Variants in CXCL13 observed in about 807,000 individuals in gnomAD.
CXCL13 encodes C-X-C motif chemokine 13.
CXCL13 carries 7 observed loss-of-function variants against 12.2 expected under a neutral mutation model. The ratio of observed to expected loss-of-function variants is 0.57; its 90% CI spans 0.33 to 1.07. CXCL13 has a LOEUF of 1.07. Among genes scored for constraint, CXCL13 ranks in the 50% least tolerant of loss-of-function variants. The pLI is 0.04. For synonymous variants in CXCL13, 47 were observed against 42.4 expected (o/e 1.11, Z -0.42); for missense variants, 113 against 127.4 (o/e 0.89, Z 0.55).
chr4:77,608,452 A>T (rs1181798231), intron 2 of CXCL13, among the ~76,000 whole-genome samples: 1 of 151,632 alleles, frequency 6.6e-6, no homozygotes, highest in East Asian at 2.0e-4. Context: ...AAAAAAAAAA[A>T]AAGAAAGAAA....
intron 1 of CXCL13, among the ~76,000 whole-genome samples, chr4:77,538,276 GCT>G (rs1560518988): frequency 6.6e-6 from 1 of 151,984 alleles, no homozygotes; most frequent in African/African-American, 2.4e-5. Context: ...CTGCCTCAGA[GCT>G]CTGTTTCTGC....
chr4:77,584,382 G>A (rs372763833), intron 1 of CXCL13, among the ~76,000 whole-genome samples: 4 of 152,136 alleles, frequency 2.6e-5, no homozygotes, highest in African/African-American at 7.2e-5. Flanking sequence ...GACTCATGTG[G>A]GTTGAGAACA....
rs1353854146 is a variant in CXCL13, at chr4:77,611,819, C to CAA, written c.*782_*783dup. ...TCTAATGACATTCAATAAAGTTGAG[C>CAA]AAACATTTTACTTAATTATGAGCAA... On this transcript the variant is annotated 3_prime_UTR_variant, in exon 4 of 4. Transcript: ENST00000682537. The CAA allele has an allele frequency of 2.5e-6, 1 of 397,308 alleles. No homozygotes were observed. Among genetic ancestry groups the CAA allele is most frequent in the African/African-American group, 2.1e-5 (1 of 48,126 alleles). 24.6% of individuals were successfully genotyped at this position (397,308 alleles called of 1,614,324 possible).
intron 1 of CXCL13, among the ~76,000 whole-genome samples, chr4:77,565,587 T>C (rs1237479944): frequency 4.6e-5 from 7 of 152,198 alleles, no homozygotes. Flanking sequence ...TGACCTTCCT[T>C]TCAGGTAGGA....
At chr4:77,571,558 C>A (rs546025691) in intron 1 of CXCL13, among the ~76,000 whole-genome samples, 4 of 151,090 alleles carry the variant, frequency 2.6e-5, no homozygotes, top group African/African-American at 9.8e-5. Flanking sequence ...ACCTGTGTGT[C>A]GAAACTGTGT....
At chr4:77,594,816 C>T (rs1390674432) in intron 1 of CXCL13, among the ~76,000 whole-genome samples, 1 of 152,136 alleles carries the variant, frequency 6.6e-6, no homozygotes, top group Non-Finnish European at 1.5e-5. Flanking sequence ...AGGCTTAATA[C>T]CTAGGTGATG....
intron 1 of CXCL13, among the ~76,000 whole-genome samples, chr4:77,550,370 G>A (rs1725481459): frequency 2.0e-5 from 3 of 152,162 alleles, no homozygotes; most frequent in Admixed American, 2.0e-4. Context: ...CAGTCCCAAT[G>A]AGACGAACCC....
At chr4:77,529,592 A>G (rs1415690550) in intron 1 of CXCL13, among the ~76,000 whole-genome samples, 1 of 152,196 alleles carries the variant, frequency 6.6e-6, no homozygotes, top group Non-Finnish European at 1.5e-5. Context: ...TTATTGGTGT[A>G]TAAGAATGCT....
At position 77,573,362 on chromosome 4, in the gene CXCL13, TTGTGTGTGTGTGTGTGTGTGTGTG is replaced by T. The variant is rs3048191; in HGVS notation, c.-42-32436_-42-32413del. On this transcript the variant is annotated intron_variant, in intron 1 of 4. Coordinates refer to the CXCL13 transcript ENST00000286758. ...CCAAGAAAAAAAGCTATTGGGTCTT[TTGTGTGTGTGTGTGTGTGTGTGTG>T]TGTGTGTGTGTGTGTGTGTGTGTGT... 1.5e-3 allele frequency among the ~76,000 whole-genome samples: 206 copies of T among 134,988 alleles called. 3 individuals are homozygous for T. The highest frequency in any genetic ancestry group is 5.4e-3 in the African/African-American group (193 of 35,704). The allele number at this position is 134,988 out of a possible 152,430, so 88.6% of individuals were successfully genotyped here.
upstream of CXCL13, among the ~76,000 whole-genome samples, chr4:77,603,395 G>A (rs1726933876): frequency 6.6e-6 from 1 of 152,168 alleles, no homozygotes; most frequent in South Asian, 2.1e-4. Context: ...GGAGGTAATG[G>A]GCTTCCTCTA....
rs532409598 is a variant in CXCL13, at chr4:77,571,468, A to G, written c.-42-34356A>G. On this transcript the variant is annotated intron_variant, in intron 1 of 4. Coordinates refer to the CXCL13 transcript ENST00000286758. ...CTCAAGGTTTGTAAACACACCAATC[A>G]GCACCCTGTGTTTAGCTCAAGGTTT... 1.1e-3 allele frequency among the ~76,000 whole-genome samples: 172 copies of G among 151,884 alleles called. 3 individuals are homozygous for G. In the East Asian group the frequency reaches 0.026, roughly 23 times the overall value.
upstream of CXCL13, among the ~76,000 whole-genome samples, chr4:77,604,825 G>A (rs968687407): frequency 2.0e-5 from 3 of 152,158 alleles, no homozygotes; most frequent in African/African-American, 7.2e-5. Context: ...ATCGCGCCAG[G>A]AAGCCCAAAC....
rs189956873 is a variant in CXCL13 at position 77,599,045 on chromosome 4, G to C, written c.-42-6779G>C. On this transcript the variant is annotated intron_variant, in intron 1 of 4. Transcript: ENST00000286758. ...GCTGGTCTTGAACTCCTGACCTCAG[G>C]TGATCCACCTGCCTCAGCCTCCCAA... 6.6e-5 allele frequency among the ~76,000 whole-genome samples: 10 copies of C among 152,134 alleles called. No homozygotes were observed. In the East Asian group the frequency reaches 1.7e-3, roughly 27 times the overall value.
At chr4:77,516,908 A>G (rs918148036) in intron 1 of CXCL13, among the ~76,000 whole-genome samples, 1 of 151,884 alleles carries the variant, frequency 6.6e-6, no homozygotes, top group African/African-American at 2.4e-5. Context: ...TAGGGTGTCA[A>G]TTTTGGATCT....
rs35016495 is a variant in CXCL13 at position 77,582,069 on chromosome 4, GA to G, written c.-42-23747del. ...TGGAAAACATAGAAAAAAATGGAAA[GA>G]AAAAAAACATCATTCTATTCTCCTA... is the stretch of plus-strand genomic sequence containing the variant. On this transcript the variant is annotated intron_variant, in intron 1 of 4. Coordinates refer to the CXCL13 transcript ENST00000286758. 5.8e-3 allele frequency among the ~76,000 whole-genome samples: 881 copies of G among 151,650 alleles called. 9 individuals are homozygous for G. Among genetic ancestry groups the G allele is most frequent in the African/African-American group, 0.02 (833 of 41,330 alleles).
At chr4:77,515,809 T>A (rs1390866378) in intron 1 of CXCL13, among the ~76,000 whole-genome samples, 4 of 152,246 alleles carry the variant, frequency 2.6e-5, no homozygotes, top group African/African-American at 4.8e-5. Flanking sequence ...TTCCTTCTCC[T>A]GACTAATTGC....
intron 1 of CXCL13, among the ~76,000 whole-genome samples, chr4:77,516,534 G>T (rs551603363): frequency 1.5e-3 from 232 of 152,262 alleles, no homozygotes; most frequent in African/African-American, 5.4e-3. Context: ...GTTTAGTCTT[G>T]GGAGAGTGTA....
At chr4:77,567,885 C>G (rs1328982392) in intron 1 of CXCL13, among the ~76,000 whole-genome samples, 1 of 152,184 alleles carries the variant, frequency 6.6e-6, no homozygotes, top group Non-Finnish European at 1.5e-5. Context: ...TCAAAAATAA[C>G]CATAAAAATA....
At chr4:77,544,665 G>A (rs1282288083) in intron 1 of CXCL13, among the ~76,000 whole-genome samples, 1 of 152,174 alleles carries the variant, frequency 6.6e-6, no homozygotes, top group East Asian at 1.9e-4. Flanking sequence ...CAGATGGGTA[G>A]ATTGCAAAAA....
Sources: gnomAD v4.1 joint callset for allele counts (sites outside exome capture counted in the v4.1 genomes callset) on GRCh38, gnomAD v4.1.1 for gene constraint, MANE v1.5 for transcripts, NCBI Gene and HGNC (gene_info 2026-07-23, HGNC 2026-07-21) for gene names.